The following PLD5 variants were observed in gnomAD, a reference collection of about 807,000 sequenced individuals.
PLD5 encodes phospholipase D family member 5.
A neutral mutation model predicts 61.1 loss-of-function variants in PLD5; 36 were observed. The observed-to-expected ratio is 0.59, with a 90% confidence interval of 0.45 to 0.78. PLD5 has a LOEUF of 0.78. Ranked by LOEUF, PLD5 falls within the 30% of genes least tolerant of loss-of-function variation. The pLI, the probability that PLD5 is intolerant of heterozygous loss-of-function variation, is 0.00. For synonymous variants in PLD5, 243 were observed against 242.8 expected (o/e 1.00, Z -0.01); for missense variants, 515 against 644.4 (o/e 0.80, Z 2.17).
At chr1:242,297,115 G>A (rs949093236) in intron 2 of PLD5, among the ~76,000 whole-genome samples, 22 of 152,166 alleles carry the variant, frequency 1.4e-4, no homozygotes, top group East Asian at 1.9e-4. Flanking sequence ...GGAGGCCAAG[G>A]CAAGCAGATC....
chr1:242,172,395 G>A (rs191783955), intron 5 of PLD5, among the ~76,000 whole-genome samples: 11 of 152,222 alleles, frequency 7.2e-5, no homozygotes, highest in Admixed American at 7.2e-4. Flanking sequence ...GAGGGAAACT[G>A]ATAGCACTAA....
At chr1:242,499,301 T>C (rs1180908419) in intron 1 of PLD5, among the ~76,000 whole-genome samples, 12 of 152,290 alleles carry the variant, frequency 7.9e-5, no homozygotes, top group Non-Finnish European at 1.0e-4. Context: ...GTAGGTTCCA[T>C]GGAGAAATAA....
chr1:242,505,836 T>C (rs1332100079), intron 1 of PLD5, among the ~76,000 whole-genome samples: 1 of 152,192 alleles, frequency 6.6e-6, no homozygotes, highest in Non-Finnish European at 1.5e-5. Flanking sequence ...CATTACCTCC[T>C]TCACCCACTG....
At chr1:242,466,319 T>G (rs1415662913) in intron 1 of PLD5, among the ~76,000 whole-genome samples, 18 of 152,122 alleles carry the variant, frequency 1.2e-4, no homozygotes, top group Admixed American at 1.2e-3. Context: ...ATTTACTGAA[T>G]AGAACTGTAG....
At chr1:242,480,942 T>C (rs1409348566) in intron 1 of PLD5, among the ~76,000 whole-genome samples, 1 of 152,204 alleles carries the variant, frequency 6.6e-6, no homozygotes, top group African/African-American at 2.4e-5. Context: ...AATAGTCTGG[T>C]AGGGTTTTTT....
intron 5 of PLD5, among the ~76,000 whole-genome samples, chr1:242,138,157 T>C (rs1440586630): frequency 2.0e-5 from 3 of 152,138 alleles, no homozygotes; most frequent in African/African-American, 7.2e-5. Flanking sequence ...TATCCCAGAT[T>C]TATAAATAAT....
At chr1:242,098,458 A>C (rs1359311013) in intron 9 of PLD5, among the ~76,000 whole-genome samples, 5 of 152,066 alleles carry the variant, frequency 3.3e-5, no homozygotes, top group Non-Finnish European at 7.4e-5. Flanking sequence ...TTAGCCATTC[A>C]TCTAATCTTT....
chr1:242,229,744 G>C (rs1671176823), intron 4 of PLD5, among the ~76,000 whole-genome samples: 1 of 151,914 alleles, frequency 6.6e-6, no homozygotes, highest in African/African-American at 2.4e-5. Flanking sequence ...ACTTTCCTAA[G>C]CCCGCTATTA....
chr1:242,473,615 TC>T (rs1205261224), intron 1 of PLD5, among the ~76,000 whole-genome samples: 2 of 152,174 alleles, frequency 1.3e-5, no homozygotes, highest in East Asian at 3.9e-4. Context: ...AGTTTTTCTC[TC>T]CAAAGGCAAA....
intron 1 of PLD5, among the ~76,000 whole-genome samples, chr1:242,354,505 G>A (rs1660646380): frequency 6.6e-6 from 1 of 152,026 alleles, no homozygotes. Context: ...TTATTTCCTG[G>A]GTGAAGCCAA....
chr1:242,126,569 G>A (rs568354303), intron 5 of PLD5, among the ~76,000 whole-genome samples: 4 of 152,244 alleles, frequency 2.6e-5, no homozygotes, highest in East Asian at 1.9e-4. Flanking sequence ...GAAAGGACAC[G>A]CTATTCAACA....
chr1:242,095,803 G>A (rs1283426025), intron 9 of PLD5, among the ~76,000 whole-genome samples: 2 of 152,024 alleles, frequency 1.3e-5, no homozygotes, highest in Non-Finnish European at 2.9e-5. Context: ...TAAGCCAAAA[G>A]TTCCCATTTT....
intron 1 of PLD5, among the ~76,000 whole-genome samples, chr1:242,425,064 A>C (rs1247484372): frequency 2.0e-5 from 3 of 152,174 alleles, no homozygotes. Flanking sequence ...CCCAGGAGGC[A>C]GAGGTTGCAG....
At position 242,429,989 on chromosome 1, in the gene PLD5, C is replaced by T. The variant is rs545716007; in HGVS notation, c.190-81747G>A. ...ATTATTCTACTGTCTAGCTTGACCA[C>T]AGAAAGCATTAGCCATGCATCAGGC... On this transcript the variant is annotated intron_variant, in intron 1 of 9. Transcript: ENST00000536534. Among the ~76,000 whole-genome samples, 23 of 152,304 alleles carry T rather than the reference C, an allele frequency of 1.5e-4. No individual in the cohort carries two copies. The East Asian group carries it at 3.7e-3, about 24-fold the overall frequency.
intron 1 of PLD5, among the ~76,000 whole-genome samples, chr1:242,448,347 C>T (rs1225426035): frequency 6.6e-6 from 1 of 152,202 alleles, no homozygotes; most frequent in African/African-American, 2.4e-5. Context: ...ACCCTCCCTT[C>T]ATCACCAGTC....
At chr1:242,168,576 G>T (rs891828650) in intron 5 of PLD5, among the ~76,000 whole-genome samples, 2 of 152,008 alleles carry the variant, frequency 1.3e-5, no homozygotes, top group African/African-American at 4.8e-5. Context: ...AAGGTTTTGG[G>T]GCATTCATCT....
intron 4 of PLD5, among the ~76,000 whole-genome samples, chr1:242,261,993 G>A (rs1212742718): frequency 6.6e-6 from 1 of 152,146 alleles, no homozygotes; most frequent in Non-Finnish European, 1.5e-5. Flanking sequence ...GAACAGAAAT[G>A]TATATGTGTA....
intron 4 of PLD5, among the ~76,000 whole-genome samples, chr1:242,248,852 A>G (rs1159394722): frequency 6.6e-6 from 1 of 152,184 alleles, no homozygotes; most frequent in Non-Finnish European, 1.5e-5. Context: ...TTCAGGTGTT[A>G]AAACTAAATG....
chr1:242,318,091 A>G (rs942056157), intron 2 of PLD5, among the ~76,000 whole-genome samples: 1 of 152,200 alleles, frequency 6.6e-6, no homozygotes, highest in Non-Finnish European at 1.5e-5. Flanking sequence ...AATATTTTTT[A>G]AAAGTGGCTC....
Sources: allele counts gnomAD v4.1 joint callset (sites outside exome capture counted in the v4.1 genomes callset), GRCh38; gene constraint gnomAD v4.1.1; transcripts MANE v1.5; gene names NCBI Gene and HGNC (gene_info 2026-07-23, HGNC 2026-07-21).